The following ZNF787 variants were observed in gnomAD, a reference collection of about 807,000 sequenced individuals.
ZNF787 encodes the protein zinc finger protein 787, also known as TTF-I-interacting peptide 20.
ZNF787 carries 7 observed loss-of-function variants against 16.9 expected under a neutral mutation model. That is an observed-to-expected ratio of 0.42 (90% CI 0.24 to 0.78). ZNF787 has a LOEUF of 0.78. ZNF787 is among the 30% of genes least tolerant of loss of function. The probability of loss-of-function intolerance (pLI) is 0.30; values close to 1 mark genes in which losing one functional copy is unlikely to be tolerated. For missense variants in ZNF787, 551 were observed against 589.3 expected, an observed-to-expected ratio of 0.94 and a Z score of 0.67; for synonymous variants, 345 against 270.9, an observed-to-expected ratio of 1.27 and a Z score of -2.69.
Position 56,103,158 on chromosome 19 carries a change from C to T in ZNF787, c.60G>A (p.Met20Ile), listed in dbSNP as rs1986170646. ...PGPLDSEDQQ[M>I]ASHENPVDIL... ...GCTCACCTGGGTTCTCGTGACTGGC[C>T]ATCTGCTGGTCCTCAGAATCCAGCG... The change falls in exon 2 of 3, where the codon ATG (methionine) becomes ATA (isoleucine). Residue 20 changes from methionine to isoleucine, a missense_variant. Physicochemically the swap from Met to Ile is conservative, Grantham distance 10. Around this residue, in one of 4 missense-constraint regions of ZNF787, gnomAD observed 80 missense variants for 105.9 expected, o/e 0.76. Transcript: ENST00000610935. 5 of 1,602,726 alleles carry T rather than the reference C, an allele frequency of 3.1e-6. No homozygotes were observed. The highest frequency in any genetic ancestry group is 2.2e-5 in the East Asian group (1 of 44,688).
chr19:56,109,321 C>A (rs2029912986), intron 1 of ZNF787, among the ~76,000 whole-genome samples: 1 of 152,088 alleles, frequency 6.6e-6, no homozygotes, highest in Admixed American at 6.5e-5. Flanking sequence ...ACGGGGGCAG[C>A]AGCAGATGCG....
chr19:56,116,170 G>C (rs1056513913), intron 1 of ZNF787, among the ~76,000 whole-genome samples: 1 of 152,052 alleles, frequency 6.6e-6, no homozygotes, highest in African/African-American at 2.4e-5. Context: ...GGCTGGGCGC[G>C]GTGGCTCACA....
intron 2 of ZNF787, among the ~76,000 whole-genome samples, chr19:56,089,502 A>G (rs1473005991): frequency 6.6e-6 from 1 of 152,150 alleles, no homozygotes; most frequent in African/African-American, 2.4e-5. Flanking sequence ...CACTAGGCAG[A>G]GGGGCCGCAG....
Position 56,087,898 on chromosome 19 carries a change from G to T in ZNF787, c.*125C>A. 2 of 1,270,146 alleles carry T rather than the reference G, an allele frequency of 1.6e-6. No homozygotes were observed. The highest frequency in any genetic ancestry group is 2.0e-6 in the Non-Finnish European group (2 of 1,007,214). The allele number at this position is 1,270,146 out of a possible 1,614,324, so 78.7% of individuals were successfully genotyped here. ...ACGGCGCAGGGACAGAGGAGGGCGG[G>T]GAGCCGGGGATGCCGCGGGGTCCAT... On this transcript the variant is annotated 3_prime_UTR_variant, in exon 3 of 3. Transcript: ENST00000610935.
chr19:56,106,376 T>C (rs1986314267), intron 1 of ZNF787, among the ~76,000 whole-genome samples: 1 of 152,210 alleles, frequency 6.6e-6, no homozygotes, highest in Non-Finnish European at 1.5e-5. Context: ...GCGGGCATTG[T>C]GTATACTCCA....
In ZNF787 at chr19:56,111,589, G is replaced by A. The variant is rs538143400; in HGVS notation, c.-10-8362C>T. Among the ~76,000 whole-genome samples the A allele has an allele frequency of 5.2e-3, 785 of 152,166 alleles. 5 individuals are homozygous for A. Among genetic ancestry groups the A allele is most frequent in the African/African-American group, 0.018 (748 of 41,494 alleles). On this transcript the variant is annotated intron_variant, in intron 1 of 2. Transcript: ENST00000610935. ...AGCCAGAGGGGCCGGGGGCAGCAGA[G>A]GAGGGGTAAGGGGTGAGGGGCCAGA...
intron 1 of ZNF787, among the ~76,000 whole-genome samples, chr19:56,119,925 C>A (rs979378308): frequency 2.0e-5 from 3 of 152,202 alleles, no homozygotes; most frequent in East Asian, 3.8e-4. Context: ...CAATCGGATC[C>A]CCAGATGGGT....
Position 56,088,006 on chromosome 19 carries a change from C to T in ZNF787, c.*17G>A, listed in dbSNP as rs753491682. 11 of 1,195,438 alleles carry T rather than the reference C, an allele frequency of 9.2e-6. No individual in the cohort carries two copies. The South Asian group carries it at 1.9e-4, about 20-fold the overall frequency. The allele number at this position is 1,195,438 out of a possible 1,614,324, so 74.1% of individuals were successfully genotyped here. On this transcript the variant is annotated 3_prime_UTR_variant, in exon 3 of 3. Coordinates refer to ENST00000610935, the MANE Select transcript of ZNF787 (RefSeq NM_001002836.4). This position sits in a 1 kb window ranked among gnomAD's most constrained non-coding sequence, Gnocchi z 8.6. ...AGCCCGAGGGGCCCTGCCCGCCCCC[C>T]CCCCCGGGCCCCTCCCCTACCGGCC...
Position 56,088,200 on chromosome 19 carries a change from C to T in ZNF787, c.972G>A (p.Glu324=). ...EPAHICVECG[E]GFVQGAALRR... ...GGAGCGCGGCGCCCTGCACGAAGCCCTCCCCGCACTCCACGCAGATGTGGG... is the reference window on the plus strand; with the variant it reads ...GGAGCGCGGCGCCCTGCACGAAGCCTTCCCCGCACTCCACGCAGATGTGGG... Residue 324 remains glutamate (E), a synonymous_variant, in exon 3 of 3, where the codon GAG becomes GAA. Transcript: ENST00000610935. This position sits in a 1 kb window ranked among gnomAD's most constrained non-coding sequence, Gnocchi z 8.6. 6.5e-7 allele frequency: 1 copy of T among 1,533,888 alleles called. No homozygotes were observed. The highest frequency in any genetic ancestry group is 8.7e-7 in the Non-Finnish European group (1 of 1,146,424).
At chr19:56,116,056 G>A (rs2030128066) in intron 1 of ZNF787, among the ~76,000 whole-genome samples, 2 of 152,108 alleles carry the variant, frequency 1.3e-5, no homozygotes, top group Admixed American at 1.3e-4. Context: ...TGACAGTGCG[G>A]GGGCTGTGTC....
chr19:56,120,540 G>A (rs1325497950), intron 1 of ZNF787, among the ~76,000 whole-genome samples: 1 of 152,310 alleles, frequency 6.6e-6, no homozygotes. Context: ...GCCTCCTGCC[G>A]GCCAGAATCC....
intron 2 of ZNF787, among the ~76,000 whole-genome samples, chr19:56,099,360 G>A (rs573952924): frequency 2.0e-5 from 3 of 152,304 alleles, no homozygotes; most frequent in Non-Finnish European, 4.4e-5. Flanking sequence ...GAGGGGACAT[G>A]GGGACATTTC....
At chr19:56,113,899 G>A (rs977000833) in intron 1 of ZNF787, among the ~76,000 whole-genome samples, 1 of 152,034 alleles carries the variant, frequency 6.6e-6, no homozygotes, top group Non-Finnish European at 1.5e-5. Flanking sequence ...GCACCATCTC[G>A]GCTCACTGCA....
intron 1 of ZNF787, among the ~76,000 whole-genome samples, chr19:56,113,151 A>G (rs1041282477): frequency 5.3e-5 from 8 of 152,186 alleles, no homozygotes; most frequent in African/African-American, 1.9e-4. Context: ...GGCACATGCA[A>G]GGATGTCCTC....
chr19:56,095,551 A>G (rs1985838745), intron 2 of ZNF787, among the ~76,000 whole-genome samples: 2 of 152,238 alleles, frequency 1.3e-5, no homozygotes, highest in Admixed American at 1.3e-4. Flanking sequence ...AAACGCTGCA[A>G]CCAGCCTGCA....
At chr19:56,103,255 C>A in intron 1 of ZNF787, 28 bp from the exon 2 acceptor site, 1 of 1,522,036 alleles carries the variant, frequency 6.6e-7, no homozygotes, top group South Asian at 1.3e-5. Context: ...GACAGAAGGA[C>A]AGAGTTTATG....
At chr19:56,098,453 G>A (rs1024642501) in intron 2 of ZNF787, among the ~76,000 whole-genome samples, 10 of 152,150 alleles carry the variant, frequency 6.6e-5, no homozygotes, top group African/African-American at 2.2e-4. Flanking sequence ...GGGTGATACG[G>A]CCGCAGGGTG....
chr19:56,087,842 G>T lies in ZNF787; in HGVS notation c.*181C>A. On this transcript the variant is annotated 3_prime_UTR_variant, in exon 3 of 3. Coordinates refer to ENST00000610935, the MANE Select transcript of ZNF787 (RefSeq NM_001002836.4). ...GAGTCTCGAGGCGGAGAAGTGAACG[G>T]GCCCTAATACGCCCCAGTGCCCCCC... 1 of 1,000,752 alleles carries T rather than the reference G, an allele frequency of 1.0e-6. No homozygotes were observed. The highest frequency in any genetic ancestry group is 1.3e-6 in the Non-Finnish European group (1 of 776,002). The allele number at this position is 1,000,752 out of a possible 1,614,324, so 62.0% of individuals were successfully genotyped here.
intron 1 of ZNF787, among the ~76,000 whole-genome samples, chr19:56,108,431 C>T (rs1048472089): frequency 6.6e-6 from 1 of 151,768 alleles, no homozygotes; most frequent in African/African-American, 2.4e-5. Flanking sequence ...TGCCCCTGCC[C>T]AGAGCTCTCC....
Sources: gnomAD v4.1 joint callset for allele counts (sites outside exome capture counted in the v4.1 genomes callset) on GRCh38, gnomAD v4.1.1 for gene constraint, gnomAD v4.1.1 regional missense constraint, Gnocchi (gnomAD v3.1) non-coding constraint, MANE v1.5 for transcripts, NCBI Gene and HGNC (gene_info 2026-07-23, HGNC 2026-07-21) for gene names.